The following THSD7B variants were observed in gnomAD, a reference collection of about 807,000 sequenced individuals.
The protein encoded by THSD7B is thrombospondin type 1 domain containing 7B, also known as thrombospondin type-1 domain-containing protein 7B.
A neutral mutation model predicts 213.6 loss-of-function variants in THSD7B; 138 were observed. The observed-to-expected ratio is 0.65, with a 90% CI of 0.56 to 0.74. THSD7B has a LOEUF of 0.74. Ranked by LOEUF, THSD7B falls within the 30% of genes least tolerant of loss-of-function variation. The probability of loss-of-function intolerance (pLI) is 0.00; values close to 1 mark genes in which losing one functional copy is unlikely to be tolerated. For synonymous variants in THSD7B, 742 were observed against 687.0 expected, an observed-to-expected ratio of 1.08 and a Z score of -1.25; for missense variants, 1,931 against 1,991.5, an observed-to-expected ratio of 0.97 and a Z score of 0.58.
chr2:136,918,971 C>T (rs1684391865), intron 2 of THSD7B, among the ~76,000 whole-genome samples: 1 of 152,174 alleles, frequency 6.6e-6, no homozygotes. Flanking sequence ...ACTTTGTATG[C>T]TCTTCATGAA....
At chr2:136,919,600 G>T (rs1421755335) in intron 2 of THSD7B, among the ~76,000 whole-genome samples, 2 of 152,192 alleles carry the variant, frequency 1.3e-5, no homozygotes, top group Non-Finnish European at 2.9e-5. Context: ...TTTTCTCTCT[G>T]TCACAGGATA....
At position 137,554,599 on chromosome 2, in the gene THSD7B, CA is replaced by C. The variant is rs1465275702; in HGVS notation, c.3139-8621del. On this transcript the variant is annotated intron_variant, in intron 15 of 27. Transcript: ENST00000409968. ...CAAGATGGCCGAATAGGATCAGCTCCAGTCTACAGCTCCCAATGTGAGTGAT... is the reference window on the plus strand; with the variant it reads ...CAAGATGGCCGAATAGGATCAGCTCCGTCTACAGCTCCCAATGTGAGTGAT... Among the ~76,000 whole-genome samples, 22 of 152,198 alleles carry C rather than the reference CA, an allele frequency of 1.4e-4. 1 individual carries two copies. Among genetic ancestry groups the C allele is most frequent in the African/African-American group, 5.1e-4 (21 of 41,528 alleles).
intron 7 of THSD7B, among the ~76,000 whole-genome samples, chr2:137,183,233 A>T (rs1241823372): frequency 6.6e-6 from 1 of 152,158 alleles, no homozygotes; most frequent in Non-Finnish European, 1.5e-5. Context: ...GAAACAGTAC[A>T]GTGCGTTCCT....
intron 5 of THSD7B, among the ~76,000 whole-genome samples, chr2:137,158,044 T>A (rs1359266968): frequency 6.6e-6 from 1 of 152,222 alleles, no homozygotes; most frequent in African/African-American, 2.4e-5. Context: ...CACATCTCTT[T>A]CATCAGCTCT....
intron 12 of THSD7B, among the ~76,000 whole-genome samples, chr2:137,392,842 G>A (rs1467246144): frequency 6.6e-6 from 1 of 152,020 alleles, no homozygotes; most frequent in Non-Finnish European, 1.5e-5. Context: ...AGGTGAAATT[G>A]TCTTTAGGTG....
intron 2 of THSD7B, among the ~76,000 whole-genome samples, chr2:136,930,887 G>T (rs547590255): frequency 6.6e-6 from 1 of 152,000 alleles, no homozygotes; most frequent in African/African-American, 2.4e-5. Context: ...CCTAAGAGAC[G>T]TCTGCCCCTT....
chr2:137,656,028 T>G (rs1683230543), intron 22 of THSD7B, among the ~76,000 whole-genome samples: 2 of 152,196 alleles, frequency 1.3e-5, no homozygotes, highest in Admixed American at 1.3e-4. Flanking sequence ...CAAAAAATGT[T>G]GGCTGAATTC....
intron 3 of THSD7B, among the ~76,000 whole-genome samples, chr2:137,060,726 A>G (rs899490477): frequency 3.3e-5 from 5 of 151,910 alleles, no homozygotes; most frequent in African/African-American, 1.2e-4. Flanking sequence ...ACTATCTATT[A>G]TTTGTTAGTA....
chr2:137,672,940 T>TGTTA (rs1683610113), intron 27 of THSD7B, among the ~76,000 whole-genome samples: 1 of 152,202 alleles, frequency 6.6e-6, no homozygotes, highest in African/African-American at 2.4e-5. Flanking sequence ...ATGAACTTGC[T>TGTTA]GTTAACCTAG....
At chr2:137,448,138 G>C (rs747405741) in intron 14 of THSD7B, among the ~76,000 whole-genome samples, 8 of 152,212 alleles carry the variant, frequency 5.3e-5, no homozygotes, top group Non-Finnish European at 7.3e-5. Flanking sequence ...CAAGCAGTGT[G>C]AGAAACTGGT....
chr2:137,428,539 A>ATTTT (rs1172011480), intron 14 of THSD7B, among the ~76,000 whole-genome samples: 1 of 151,934 alleles, frequency 6.6e-6, no homozygotes, highest in African/African-American at 2.4e-5. Flanking sequence ...AAACAACCCA[A>ATTTT]TTTTTTTTCT....
intron 1 of THSD7B, among the ~76,000 whole-genome samples, chr2:136,862,362 A>G (rs1683269144): frequency 6.6e-6 from 1 of 152,196 alleles, no homozygotes; most frequent in East Asian, 1.9e-4. Context: ...AATCAGTTTC[A>G]GGTATTATTA....
chr2:137,314,842 C>A (rs981755987), intron 12 of THSD7B, among the ~76,000 whole-genome samples: 3 of 152,226 alleles, frequency 2.0e-5, no homozygotes, highest in African/African-American at 7.2e-5. Flanking sequence ...CAGGGACCCA[C>A]TTGAGGTGGC....
chr2:137,099,246 G>A (rs1253421651), intron 4 of THSD7B, among the ~76,000 whole-genome samples: 1 of 152,128 alleles, frequency 6.6e-6, no homozygotes, highest in Non-Finnish European at 1.5e-5. Flanking sequence ...AACATGATGA[G>A]ATAGGAGTCA....
intron 7 of THSD7B, among the ~76,000 whole-genome samples, chr2:137,198,231 A>C (rs927362377): frequency 2.0e-5 from 3 of 152,006 alleles, no homozygotes; most frequent in Admixed American, 2.0e-4. Flanking sequence ...GTACTCATTT[A>C]TTTTCTTCCT....
At chr2:136,972,094 T>C (rs1273711675) in intron 2 of THSD7B, among the ~76,000 whole-genome samples, 2 of 150,916 alleles carry the variant, frequency 1.3e-5, no homozygotes, top group East Asian at 3.9e-4. Context: ...CAAGGTTTGG[T>C]TGCATATCTA....
chr2:137,300,585 A>C (rs1275205879), intron 12 of THSD7B, among the ~76,000 whole-genome samples: 3 of 152,154 alleles, frequency 2.0e-5, no homozygotes, highest in Non-Finnish European at 4.4e-5. Flanking sequence ...TCTATGTGGA[A>C]TAGAGGGAAT....
At chr2:136,938,441 A>G (rs1044296554) in intron 2 of THSD7B, among the ~76,000 whole-genome samples, 11 of 152,154 alleles carry the variant, frequency 7.2e-5, no homozygotes, top group African/African-American at 2.7e-4. Flanking sequence ...TGAAAACACT[A>G]AAATCTTAAC....
chr2:136,771,365 T>C (rs1681501455), intron 1 of THSD7B, among the ~76,000 whole-genome samples: 1 of 152,198 alleles, frequency 6.6e-6, no homozygotes, highest in Non-Finnish European at 1.5e-5. Context: ...CCAGCACTGC[T>C]AGATGGTCCC....
Sources: gnomAD v4.1 joint callset for allele counts (sites outside exome capture counted in the v4.1 genomes callset) on GRCh38, gnomAD v4.1.1 for gene constraint, MANE v1.5 for transcripts, NCBI Gene and HGNC (gene_info 2026-07-23, HGNC 2026-07-21) for gene names.